The following KIAA2012 variants were observed in gnomAD, a reference collection of about 807,000 sequenced individuals.
The protein encoded by KIAA2012 is uncharacterized protein KIAA2012.
A neutral mutation model predicts 150.6 loss-of-function variants in KIAA2012; 125 were observed. That is an observed-to-expected ratio of 0.83 (90% CI 0.72 to 0.96). KIAA2012 has a LOEUF of 0.96. KIAA2012 is among the 40% of genes least tolerant of loss of function. The probability of loss-of-function intolerance (pLI) is 0.00; values close to 1 mark genes in which losing one functional copy is unlikely to be tolerated. For missense variants in KIAA2012, 1,219 were observed against 1,354.9 expected (o/e 0.90, Z 1.57); for synonymous variants, 462 against 504.7 (o/e 0.92, Z 1.13).
At chr2:202,073,830 C>A in intron 1 of KIAA2012, 119 bp downstream of exon 1, 1 of 767,514 alleles carries the variant, frequency 1.3e-6, no homozygotes, top group South Asian at 1.9e-5. Context: ...GTGGCGGGGT[C>A]ACTGGAAGAT....
At chr2:202,133,684 G>A (rs1287265498) in intron 12 of KIAA2012, among the ~76,000 whole-genome samples, 1 of 152,054 alleles carries the variant, frequency 6.6e-6, no homozygotes, top group African/African-American at 2.4e-5. Flanking sequence ...TATTCCCTAC[G>A]CCCATCTCAC....
intron 5 of KIAA2012, 131 bp downstream of exon 5, chr2:202,097,708 G>C (rs1689928992): frequency 2.8e-6 from 3 of 1,065,212 alleles, no homozygotes; most frequent in Non-Finnish European, 4.0e-6. Context: ...TCCTGCCTCA[G>C]CCTCCTGAAT....
intron 4 of KIAA2012, among the ~76,000 whole-genome samples, chr2:202,094,473 T>TTTTTTC (rs1202621526): frequency 6.6e-6 from 1 of 152,082 alleles, no homozygotes; most frequent in Non-Finnish European, 1.5e-5. Context: ...CTTGAGTCTT[T>TTTTTTC]TTTTTCTTTT....
intron 10 of KIAA2012, among the ~76,000 whole-genome samples, chr2:202,111,623 A>T (rs1405086656): frequency 6.6e-6 from 1 of 151,530 alleles, no homozygotes; most frequent in African/African-American, 2.4e-5. Context: ...TGTGTAAGTG[A>T]ATGTGGGATG....
At chr2:202,134,880 C>A (rs1247002156) in intron 12 of KIAA2012, among the ~76,000 whole-genome samples, 1 of 152,198 alleles carries the variant, frequency 6.6e-6, no homozygotes, top group African/African-American at 2.4e-5. Flanking sequence ...TTATTGAAAA[C>A]AACAAACAAT....
intron 1 of KIAA2012, among the ~76,000 whole-genome samples, chr2:202,074,108 T>A (rs938293092): frequency 3.9e-5 from 6 of 152,014 alleles, no homozygotes; most frequent in Non-Finnish European, 7.4e-5. Flanking sequence ...TTCCTTGAAC[T>A]TTCTGGAATT....
chr2:202,200,522 T>C (rs765820131), intron 22 of KIAA2012, among the ~76,000 whole-genome samples: 2 of 151,960 alleles, frequency 1.3e-5, no homozygotes, highest in Non-Finnish European at 2.9e-5. Context: ...GGAAATTGGC[T>C]TTCGGTCCTG....
At chr2:202,114,601 A>G (rs1178876788) in intron 11 of KIAA2012, 1 of 166,804 alleles carries the variant, frequency 6.0e-6, no homozygotes, top group African/African-American at 2.4e-5. Flanking sequence ...AGAAGCAGAA[A>G]AGGAAATATT....
At position 202,073,609 on chromosome 2, in the gene KIAA2012, G is replaced by C. The variant is rs1435888775; in HGVS notation, c.-19G>C. 6.5e-7 allele frequency: 1 copy of C among 1,549,364 alleles called. No homozygotes were observed. The highest frequency in any genetic ancestry group is 1.4e-5 in the African/African-American group (1 of 73,002). Reference sequence around the variant, plus strand: ...AACCAAGATGGACTGCCCTTGAGAAGGGGTGGTCAGAGGGAAACATGTTCA... The same window carrying C: ...AACCAAGATGGACTGCCCTTGAGAACGGGTGGTCAGAGGGAAACATGTTCA... On this transcript the variant is annotated 5_prime_UTR_variant, in exon 1 of 24. Transcript: ENST00000498697.
chr2:202,161,521 C>A (rs1238848767), intron 14 of KIAA2012, among the ~76,000 whole-genome samples: 2 of 152,078 alleles, frequency 1.3e-5, no homozygotes, highest in Non-Finnish European at 2.9e-5. Flanking sequence ...ACACTGTCCA[C>A]ACACTGCCCC....
chr2:202,100,586 AC>A, intron 7 of KIAA2012, 137 bp downstream of exon 7: 1 of 999,022 alleles, frequency 1.0e-6, no homozygotes, highest in Non-Finnish European at 1.4e-6. Context: ...GTCTGAGCTG[AC>A]CAGGTGGAGC....
intron 2 of KIAA2012, among the ~76,000 whole-genome samples, chr2:202,089,731 G>A (rs930577115): frequency 1.3e-5 from 2 of 152,190 alleles, no homozygotes; most frequent in Non-Finnish European, 2.9e-5. Context: ...AACAGTCCAC[G>A]GTGTTAGAAA....
chr2:202,196,837 G>A lies in KIAA2012; in HGVS notation c.3225G>A (p.Gln1075=). Residue 1075 remains glutamine, a synonymous_variant, in exon 22 of 24, where the codon CAG becomes CAA. Transcript: ENST00000498697. ...EKQRQEELEM[Q]LEEEQKHLME... ...AAAGGCAAGAGGAATTGGAAATGCA[G>A]TTAGAAGAAGAACAAAAACACCTGA... 1 of 1,550,554 alleles carries A rather than the reference G, an allele frequency of 6.4e-7. No individual in the cohort carries two copies. The highest frequency in any genetic ancestry group is 8.7e-7 in the Non-Finnish European group (1 of 1,146,982).
chr2:202,080,848 A>C (rs544374693), intron 2 of KIAA2012, among the ~76,000 whole-genome samples: 1 of 152,320 alleles, frequency 6.6e-6, no homozygotes, highest in African/African-American at 2.4e-5. Context: ...AAATATATAT[A>C]ACATGAAATT....
At chr2:202,079,824 A>C (rs983089815) in intron 2 of KIAA2012, among the ~76,000 whole-genome samples, 3 of 152,218 alleles carry the variant, frequency 2.0e-5, no homozygotes, top group African/African-American at 7.2e-5. Context: ...TGAGACATCA[A>C]ATAGCTATAA....
chr2:202,192,382 AG>A (rs1692338231), intron 19 of KIAA2012, among the ~76,000 whole-genome samples: 1 of 152,082 alleles, frequency 6.6e-6, no homozygotes, highest in African/African-American at 2.4e-5. Flanking sequence ...TCCATTGGAA[AG>A]GTGAGTTTCT....
At chr2:202,102,272 C>G (rs1377975510) in intron 7 of KIAA2012, among the ~76,000 whole-genome samples, 2 of 152,100 alleles carry the variant, frequency 1.3e-5, no homozygotes. Flanking sequence ...TCTTTTTCAG[C>G]TATGTTCATA....
intron 4 of KIAA2012, among the ~76,000 whole-genome samples, 153 bp from the exon 5 acceptor site, chr2:202,097,282 A>G (rs556130982): frequency 6.6e-6 from 1 of 152,322 alleles, no homozygotes; most frequent in Admixed American, 6.5e-5. Context: ...CCGAGGAGGC[A>G]CTATCAGAAA....
At chr2:202,190,956 G>A (rs945937473) in intron 19 of KIAA2012, among the ~76,000 whole-genome samples, 17 of 152,144 alleles carry the variant, frequency 1.1e-4, no homozygotes, top group South Asian at 8.3e-4. Context: ...ATAGAGAGAG[G>A]CAGCCTGTAC....
Sources: gnomAD v4.1 joint callset for allele counts (sites outside exome capture counted in the v4.1 genomes callset) on GRCh38, gnomAD v4.1.1 for gene constraint, MANE v1.5 for transcripts, NCBI Gene and HGNC (gene_info 2026-07-23, HGNC 2026-07-21) for gene names.